The following PTRH1 variants were observed in gnomAD, a reference collection of about 807,000 sequenced individuals.
PTRH1 encodes peptidyl-tRNA hydrolase 1 homolog.
PTRH1 carries 13 observed loss-of-function variants against 15.7 expected under a neutral mutation model. The observed-to-expected ratio is 0.83, with a 90% CI of 0.54 to 1.31. The LOEUF is 1.31. PTRH1 is among the 40% of genes most tolerant of loss of function. The probability of loss-of-function intolerance (pLI) is 0.00; values close to 1 mark genes in which losing one functional copy is unlikely to be tolerated. For missense variants in PTRH1, 319 were observed against 296.2 expected, an observed-to-expected ratio of 1.08 and a Z score of -0.56; for synonymous variants, 139 against 136.7, an observed-to-expected ratio of 1.02 and a Z score of -0.12.
At chr9:127,701,551 G>C (rs1842603537) in intron 1 of PTRH1, among the ~76,000 whole-genome samples, 1 of 152,220 alleles carries the variant, frequency 6.6e-6, no homozygotes, top group Non-Finnish European at 1.5e-5. Flanking sequence ...TCATCTCAGA[G>C]CTGATGAACC....
chr9:127,695,320 G>A, intron 1 of PTRH1: 1 of 581,638 alleles, frequency 1.7e-6, no homozygotes, highest in Non-Finnish European at 3.0e-6. Context: ...AGTGAAAAGA[G>A]CACATTATGG....
intron 1 of PTRH1, among the ~76,000 whole-genome samples, chr9:127,696,854 AG>A (rs1384158260): frequency 6.6e-6 from 1 of 152,166 alleles, no homozygotes; most frequent in African/African-American, 2.4e-5. Context: ...GAACAGAGCA[AG>A]ACTCCATCTC....
downstream of PTRH1, chr9:127,709,664 A>T (rs780489169): frequency 1.2e-6 from 2 of 1,613,642 alleles, no homozygotes; most frequent in Non-Finnish European, 1.7e-6. This position sits in a 1 kb window ranked among gnomAD's most constrained non-coding sequence, Gnocchi z 4.7. Flanking sequence ...GAGACCAAGG[A>T]CCAGCTCACC....
intron 1 of PTRH1, chr9:127,695,299 A>G: frequency 1.7e-6 from 1 of 587,008 alleles, no homozygotes; most frequent in East Asian, 2.8e-5. Context: ...GATCTCAGAC[A>G]CTTAACAATG....
chr9:127,715,449 G>A lies in PTRH1; in HGVS notation c.96+95C>T. Reference sequence around the variant, plus strand: ...ACTGAACTCACCAGTTAAGAAAACAGAGCAGCAATTTGGGGGCACTCGGCT... The same window carrying A: ...ACTGAACTCACCAGTTAAGAAAACAAAGCAGCAATTTGGGGGCACTCGGCT... On this transcript the variant is annotated intron_variant, in intron 1 of 4. Coordinates refer to ENST00000543175, the MANE Select transcript of PTRH1 (RefSeq NM_001002913.3). This position sits in a 1 kb window ranked among gnomAD's most constrained non-coding sequence, Gnocchi z 5.8. The A allele has an allele frequency of 3.2e-6, 5 of 1,545,052 alleles. No individual in the cohort carries two copies. The highest frequency in any genetic ancestry group is 4.4e-6 in the Non-Finnish European group (5 of 1,129,250).
chr9:127,710,707 G>A (rs1412561683), downstream of PTRH1: 2 of 1,573,900 alleles, frequency 1.3e-6, no homozygotes, highest in Non-Finnish European at 1.7e-6. Flanking sequence ...ATGAGTTCAG[G>A]GACTATGCAT....
Position 127,700,610 on chromosome 9 carries a change from T to A in PTRH1, c.206-5469A>T, listed in dbSNP as rs182156043. Among the ~76,000 whole-genome samples, 329 of 152,264 alleles carry A rather than the reference T, an allele frequency of 2.2e-3. 1 individual carries two copies. Among genetic ancestry groups the A allele is most frequent in the African/African-American group, 7.6e-3 (315 of 41,532 alleles). On this transcript the variant is annotated intron_variant, in intron 1 of 2. Coordinates refer to the PTRH1 transcript ENST00000335223. ...CATGTTAAAATAGAGAACATAAGAC[T>A]GGCAGAGCAGACTCTTCTATGGCAA...
At position 127,715,057 on chromosome 9, in the gene PTRH1, C is replaced by A. The variant is rs1369200390; in HGVS notation, c.234G>T (p.Leu78=). The change falls in exon 2 of 5, where the codon CTG becomes CTT. Residue 78 remains leucine, a synonymous_variant. Transcript: ENST00000543175. This position sits in a 1 kb window ranked among gnomAD's most constrained non-coding sequence, Gnocchi z 5.8. The part of the protein sequence containing the change: ...RDRHCAADLA[L]APLGDAQLVL... ...CCAGTTGGGCATCCCCCAGCGGGGC[C>A]AGGGCGAGGTCGGCGGCACAGTGCC... 2.0e-6 allele frequency: 3 copies of A among 1,527,134 alleles called. No homozygotes were observed. Among genetic ancestry groups the A allele is most frequent in the South Asian group, 2.4e-5 (2 of 83,188 alleles). 94.6% of individuals were successfully genotyped at this position (1,527,134 alleles called of 1,614,324 possible).
At chr9:127,710,538 T>G, downstream of PTRH1, 2 of 1,541,822 alleles carry the variant, frequency 1.3e-6, no homozygotes, top group Non-Finnish European at 1.8e-6. Context: ...ATCTTTAAGG[T>G]CCTCGCCAGG....
downstream of PTRH1, chr9:127,712,817 C>T (rs372095224): frequency 4.1e-5 from 66 of 1,613,956 alleles, no homozygotes; most frequent in Non-Finnish European, 5.1e-5. Flanking sequence ...GGCCACGAGA[C>T]CTCAGAAGGC....
At chr9:127,713,760 G>A, downstream of PTRH1, 2 of 1,269,968 alleles carry the variant, frequency 1.6e-6, no homozygotes, top group Non-Finnish European at 2.3e-6. Context: ...CCCAGCCTCG[G>A]CCTCCCAAAG....
Position 127,715,139 on chromosome 9 carries a change from G to T in PTRH1, c.152C>A (p.Ala51Glu), listed in dbSNP as rs1030673291. The T allele has an allele frequency of 2.0e-6, 3 of 1,537,394 alleles. No homozygotes were observed. The highest frequency in any genetic ancestry group is 2.6e-6 in the Non-Finnish European group (3 of 1,147,578). The change falls in exon 2 of 5, where the codon GCG becomes GAG. Residue 51 changes from alanine (A) to glutamate (E), a missense_variant. Ala to Glu is a moderately radical substitution (Grantham distance 107). Transcript: ENST00000543175. This position sits in a 1 kb window ranked among gnomAD's most constrained non-coding sequence, Gnocchi z 5.8. ...CCGCCGCGCCAGCTGCCCCAGCACC[G>T]CCATGCCCACGCTGTGTCGCGTGCC... is the stretch of plus-strand genomic sequence containing the variant. ...LPGTRHSVGMAVLGQLARRLG... is the reference protein window; with the variant it reads ...LPGTRHSVGMEVLGQLARRLG...
chr9:127,698,813 A>C (rs1293489848), intron 1 of PTRH1, among the ~76,000 whole-genome samples: 1 of 152,136 alleles, frequency 6.6e-6, no homozygotes, highest in Non-Finnish European at 1.5e-5. Context: ...TCTAAGAAAA[A>C]CAACAACAAA....
chr9:127,710,590 G>GT, downstream of PTRH1: 1 of 1,573,738 alleles, frequency 6.4e-7, no homozygotes, highest in Non-Finnish European at 8.6e-7. Flanking sequence ...CTTGTGCGCT[G>GT]TGGCGGCCAG....
intron 1 of PTRH1, chr9:127,707,205 G>T (rs532700470): frequency 6.2e-7 from 1 of 1,606,956 alleles, no homozygotes. Flanking sequence ...GCGTGGGCTG[G>T]CGGGCAGGAG....
chr9:127,711,154 G>A (rs1842756916), downstream of PTRH1: 1 of 1,544,018 alleles, frequency 6.5e-7, no homozygotes, highest in Non-Finnish European at 8.8e-7. Context: ...GGTGCTCTGG[G>A]AACCTCACAA....
chr9:127,712,736 G>A (rs972848416), downstream of PTRH1: 10 of 1,614,176 alleles, frequency 6.2e-6, no homozygotes, highest in Admixed American at 1.7e-5. Flanking sequence ...GGACAGTGAC[G>A]TTGACGTGAC....
chr9:127,713,429 C>T, downstream of PTRH1: 1 of 483,230 alleles, frequency 2.1e-6, no homozygotes, highest in East Asian at 3.3e-5. Context: ...CTGTTCTTCC[C>T]TCCCCCACCA....
chr9:127,702,491 T>C (rs1282767822), intron 1 of PTRH1, among the ~76,000 whole-genome samples: 1 of 151,948 alleles, frequency 6.6e-6, no homozygotes, highest in Non-Finnish European at 1.5e-5. Flanking sequence ...GAACTGTGGT[T>C]GTGCCACTGC....
Sources: gnomAD v4.1 joint callset for allele counts (sites outside exome capture counted in the v4.1 genomes callset) on GRCh38, gnomAD v4.1.1 for gene constraint, Gnocchi (gnomAD v3.1) non-coding constraint, MANE v1.5 for transcripts, NCBI Gene and HGNC (gene_info 2026-07-23, HGNC 2026-07-21) for gene names.